Variants in BTG3 observed in about 807,000 individuals in gnomAD.
BTG3 encodes the protein protein BTG3.
BTG3 carries 4 observed loss-of-function variants against 25.8 expected under a neutral mutation model. The observed-to-expected ratio is 0.16, with a 90% confidence interval of 0.08 to 0.36. The LOEUF (loss-of-function observed/expected upper bound fraction) is 0.36, where lower values mean the gene tolerates loss of function less well. BTG3 is among the 10% of genes least tolerant of loss of function. The probability of loss-of-function intolerance (pLI) is 1.00; values close to 1 mark genes in which losing one functional copy is unlikely to be tolerated. For missense variants in BTG3, 201 were observed against 304.9 expected (o/e 0.66, Z 2.54); for synonymous variants, 107 against 99.9 (o/e 1.07, Z -0.42).
At chr21:17,607,626 A>ATAGTGCTGTACTTGCAAGAGCC (rs1320938639) in intron 2 of BTG3, among the ~76,000 whole-genome samples, 176 of 152,376 alleles carry the variant, frequency 1.2e-3, no homozygotes, top group African/African-American at 4.0e-3. Flanking sequence ...GACTCCTTGA[A>ATAGTGCTGTACTTGCAAGAGCC]TAGTGCTGTA....
At chr21:17,609,216 G>A (rs1241674170) in intron 1 of BTG3, 64 bp from the exon 2 acceptor site, 1 of 1,481,640 alleles carries the variant, frequency 6.7e-7, no homozygotes, top group African/African-American at 1.4e-5. Flanking sequence ...ATGAAGCTCT[G>A]TAAGATATAC....
chr21:17,594,070 C>A lies in BTG3; in HGVS notation c.*23G>T. The A allele has an allele frequency of 6.2e-7, 1 of 1,608,822 alleles. No homozygotes were observed. The highest frequency in any genetic ancestry group is 1.1e-5 in the South Asian group (1 of 90,202). On this transcript the variant is annotated 3_prime_UTR_variant, in exon 5 of 5. Transcript: ENST00000348354. ...TTATTCTACCTTTTTCTCAACATGA[C>A]ACCAACACAATCAAAAACGAAGTTA... is the stretch of plus-strand genomic sequence containing the variant.
At chr21:17,612,280 G>A (rs2061740363) in intron 1 of BTG3, 1 of 152,106 alleles carries the variant, frequency 6.6e-6, no homozygotes, top group South Asian at 2.1e-4. Flanking sequence ...GGGCGGCCCT[G>A]GGTTCGAGGA....
intron 1 of BTG3, 41 bp from the exon 2 acceptor site, chr21:17,609,193 A>G (rs756177207): frequency 6.4e-6 from 10 of 1,572,616 alleles, no homozygotes; most frequent in Non-Finnish European, 6.9e-6. Flanking sequence ...AACAAAATAT[A>G]AAAACTGGGA....
At chr21:17,600,133 T>C (rs1190241463) in intron 3 of BTG3, among the ~76,000 whole-genome samples, 1 of 152,152 alleles carries the variant, frequency 6.6e-6, no homozygotes, top group East Asian at 1.9e-4. Flanking sequence ...CATATGCTGC[T>C]GGTTACTTAA....
In BTG3 at chr21:17,612,808, C is replaced by T. The variant is rs2123496185; in HGVS notation, c.-118G>A. ...GGCCCGCGCTGGGCAACAGGGAGCGCAGCGAGCCTCGTCCGGCGCGTGCGG... is the reference window on the plus strand; with the variant it reads ...GGCCCGCGCTGGGCAACAGGGAGCGTAGCGAGCCTCGTCCGGCGCGTGCGG... On this transcript the variant is annotated 5_prime_UTR_variant, in exon 1 of 5. Coordinates refer to ENST00000348354, the MANE Select transcript of BTG3 (RefSeq NM_006806.5). The T allele has an allele frequency of 6.6e-6, 1 of 152,288 alleles. No individual in the cohort carries two copies. The highest frequency in any genetic ancestry group is 2.4e-5 in the African/African-American group (1 of 41,572). The allele number at this position is 152,288 out of a possible 1,614,324, so 9.4% of individuals were successfully genotyped here. A position where few individuals can be genotyped will look rare whatever the true frequency, so the allele number is the denominator to read the frequency against.
At position 17,612,876 on chromosome 21, in the gene BTG3, G is replaced by A. The variant is rs1313478617; in HGVS notation, c.-186C>T. 2 of 152,076 alleles carry A rather than the reference G, an allele frequency of 1.3e-5. No individual in the cohort carries two copies. Among genetic ancestry groups the A allele is most frequent in the Non-Finnish European group, 2.9e-5 (2 of 68,036 alleles). The allele number at this position is 152,076 out of a possible 1,614,324, so 9.4% of individuals were successfully genotyped here. ...GGCCAAGCGCGCGTTGAGAGGACTGGCGGGCGGACGAGCGCGCACACGAGT... is the reference window on the plus strand; with the variant it reads ...GGCCAAGCGCGCGTTGAGAGGACTGACGGGCGGACGAGCGCGCACACGAGT... On this transcript the variant is annotated 5_prime_UTR_variant, in exon 1 of 5. Coordinates refer to ENST00000348354, the MANE Select transcript of BTG3 (RefSeq NM_006806.5).
chr21:17,612,176 A>T (rs1337253863), intron 1 of BTG3: 1 of 152,330 alleles, frequency 6.6e-6, no homozygotes, highest in Non-Finnish European at 1.5e-5. Context: ...GTTTTCCCCA[A>T]GTTCAAGGGG....
chr21:17,595,990 T>C (rs577474983), intron 4 of BTG3, among the ~76,000 whole-genome samples: 1 of 152,142 alleles, frequency 6.6e-6, no homozygotes, highest in African/African-American at 2.4e-5. Flanking sequence ...TAGTGTTTCA[T>C]ATGGATTTAA....
intron 3 of BTG3, among the ~76,000 whole-genome samples, chr21:17,600,890 G>A (rs1315665043): frequency 6.6e-6 from 1 of 152,090 alleles, no homozygotes; most frequent in African/African-American, 2.4e-5. Flanking sequence ...GGGGCTGGGC[G>A]CGGTGGCTCA....
rs2061673397 is a variant in BTG3, at chr21:17,608,369, ACCACAAAAAAAAAAAACTC to A, written c.173+584_173+602del. On this transcript the variant is annotated intron_variant, in intron 2 of 4. Transcript: ENST00000348354. ...GACTGGGTGACAGAGCAAAAACAAT[ACCACAAAAAAAAAAAACTC>A]CCAGAAAAGCAAATCCCAGAGCCAT... 2.8e-5 allele frequency among the ~76,000 whole-genome samples: 4 copies of A among 142,684 alleles called. 1 individual carries two copies. Among genetic ancestry groups the A allele is most frequent in the South Asian group, 2.2e-4 (1 of 4,452 alleles). 93.6% of individuals were successfully genotyped at this position (142,684 alleles called of 152,430 possible). A position where few individuals can be genotyped will look rare whatever the true frequency, so the allele number is the denominator to read the frequency against.
At chr21:17,604,594 T>C (rs913246724) in intron 3 of BTG3, among the ~76,000 whole-genome samples, 3 of 152,198 alleles carry the variant, frequency 2.0e-5, no homozygotes, top group African/African-American at 7.2e-5. Context: ...AATCTAGGTG[T>C]CTACTTCTTG....
chr21:17,597,794 A>G (rs978681004), intron 4 of BTG3, among the ~76,000 whole-genome samples: 1 of 152,168 alleles, frequency 6.6e-6, no homozygotes, highest in Non-Finnish European at 1.5e-5. Flanking sequence ...ATGTATGCTG[A>G]ATTTAAAAGT....
intron 3 of BTG3, chr21:17,604,343 G>A (rs2061611477): frequency 4.8e-6 from 1 of 207,178 alleles, no homozygotes; most frequent in African/African-American, 2.4e-5. Flanking sequence ...TACTCAGGAG[G>A]CTGAGGCAGG....
chr21:17,594,264 A>G lies in BTG3; in HGVS notation c.588T>C (p.Tyr196=). ...AGTGATTCTGATGGCCATTCCCTCG[A>G]TACATTCCTGGCTTTTTTCTGGGCA... The part of the protein sequence containing the change: ...HPLPRKKPGM[Y]RGNGHQNHYP... The change falls in exon 5 of 5, where the codon TAT becomes TAC. Residue 196 remains tyrosine (Y), a synonymous_variant. Coordinates refer to ENST00000348354, the MANE Select transcript of BTG3 (RefSeq NM_006806.5). The G allele has an allele frequency of 6.2e-7, 1 of 1,613,300 alleles. No individual in the cohort carries two copies. The highest frequency in any genetic ancestry group is 8.5e-7 in the Non-Finnish European group (1 of 1,179,406).
intron 1 of BTG3, 129 bp downstream of exon 1, chr21:17,612,570 G>C (rs2061748580): frequency 6.6e-6 from 1 of 152,160 alleles, no homozygotes; most frequent in African/African-American, 2.4e-5. Context: ...TCCATCCCCT[G>C]CCCCTCCCCT....
chr21:17,610,972 T>C (rs1426327584), intron 1 of BTG3, among the ~76,000 whole-genome samples: 1 of 152,142 alleles, frequency 6.6e-6, no homozygotes, highest in Non-Finnish European at 1.5e-5. Context: ...GATAGCCTGA[T>C]GGAGGGGAAG....
chr21:17,607,199 A>C (rs1043036936), intron 2 of BTG3, among the ~76,000 whole-genome samples: 1 of 152,178 alleles, frequency 6.6e-6, no homozygotes, highest in African/African-American at 2.4e-5. Flanking sequence ...AGTTTTTAGA[A>C]TTAATGGAAA....
Position 17,604,427 on chromosome 21 carries a change from A to G in BTG3, c.311+433T>C, listed in dbSNP as rs1025333782. 1.2e-4 allele frequency among the ~76,000 whole-genome samples: 19 copies of G among 152,326 alleles called. No homozygotes were observed. In the East Asian group the frequency reaches 2.5e-3, roughly 20 times the overall value. On this transcript the variant is annotated intron_variant, in intron 3 of 4. Transcript: ENST00000348354. ...ACCATTGCGCTCCAGCCTGGGCAACAAGAGTGAAACTCCGTCCCAAAAAAA... is the reference window on the plus strand; with the variant it reads ...ACCATTGCGCTCCAGCCTGGGCAACGAGAGTGAAACTCCGTCCCAAAAAAA...
Sources: allele counts gnomAD v4.1 joint callset (sites outside exome capture counted in the v4.1 genomes callset), GRCh38; gene constraint gnomAD v4.1.1; transcripts MANE v1.5; gene names NCBI Gene and HGNC (gene_info 2026-07-23, HGNC 2026-07-21).